The following DPH6 variants were observed in gnomAD, a reference collection of about 807,000 sequenced individuals.
DPH6 encodes diphthamine biosynthesis 6, also known as diphthine--ammonia ligase.
Under a neutral mutation model 38.2 loss-of-function variants are expected in DPH6, and 33 were observed. The observed-to-expected ratio is 0.86, with a 90% CI of 0.65 to 1.15. DPH6 has a LOEUF of 1.15. Ranked by LOEUF, DPH6 falls within the 50% of genes most tolerant of loss-of-function variation. DPH6 has a pLI of 0.00. For missense variants in DPH6, 325 were observed against 320.0 expected (o/e 1.02, Z -0.12); for synonymous variants, 108 against 103.0 (o/e 1.05, Z -0.30).
the DPH6 span, among the ~76,000 whole-genome samples, chr15:35,184,156 C>T: frequency 6.6e-6 from 1 of 152,166 alleles, no homozygotes; most frequent in Non-Finnish European, 1.5e-5. Context: ...ATTCTTAAAA[C>T]TCTGTAAATT....
chr15:35,346,635 C>T (rs2052464034), intron 3 of DPH6, among the ~76,000 whole-genome samples: 1 of 151,944 alleles, frequency 6.6e-6, no homozygotes, highest in Admixed American at 6.6e-5. Flanking sequence ...TTATTTTAAC[C>T]TTTTTATTTC....
In DPH6 at chr15:35,372,051, C is replaced by A; in HGVS notation, c.*99G>T. 1 of 1,443,364 alleles carries A rather than the reference C, an allele frequency of 6.9e-7. No individual in the cohort carries two copies. Among genetic ancestry groups the A allele is most frequent in the Admixed American group, 3.2e-5 (1 of 31,360 alleles). 89.4% of individuals were successfully genotyped at this position (1,443,364 alleles called of 1,614,324 possible). Reference sequence around the variant, plus strand: ...TATGTTTCTCTAAAAAAATAAGAGTCATGAGAAAAAAATAAACTAGTCATA... The same window carrying A: ...TATGTTTCTCTAAAAAAATAAGAGTAATGAGAAAAAAATAAACTAGTCATA... On this transcript the variant is annotated 3_prime_UTR_variant, in exon 9 of 9. Coordinates refer to ENST00000256538, the MANE Select transcript of DPH6 (RefSeq NM_080650.4).
intron 3 of DPH6, among the ~76,000 whole-genome samples, chr15:35,276,468 T>C (rs1223085109): frequency 6.6e-6 from 1 of 152,228 alleles, no homozygotes; most frequent in African/African-American, 2.4e-5. Flanking sequence ...TTTGTTTTTA[T>C]TGCATTTGCT....
chr15:35,496,567 A>AAAAAAAAAAAAAAAAAATATAT, intron 3 of DPH6, among the ~76,000 whole-genome samples: 6 of 31,008 alleles, frequency 1.9e-4, no homozygotes, highest in African/African-American at 6.9e-4. Flanking sequence ...AAAAAAAAAA[A>AAAAAAAAAAAAAAAAAATATAT]ATATATATAT....
At chr15:35,382,305 G>A (rs997556762) in intron 6 of DPH6, among the ~76,000 whole-genome samples, 7 of 151,872 alleles carry the variant, frequency 4.6e-5, no homozygotes, top group African/African-American at 1.7e-4. Context: ...GCATGGTGGT[G>A]GGCGCCTGCA....
intron 3 of DPH6, among the ~76,000 whole-genome samples, chr15:35,312,931 T>TA (rs1287525541): frequency 3.9e-5 from 6 of 152,170 alleles, no homozygotes; most frequent in African/African-American, 1.4e-4. Context: ...AGCTTCGTAG[T>TA]AAATTTTGAA....
chr15:35,405,789 A>G (rs2053284233), intron 6 of DPH6, among the ~76,000 whole-genome samples: 1 of 152,032 alleles, frequency 6.6e-6, no homozygotes, highest in African/African-American at 2.4e-5. Flanking sequence ...CTAAGAGGAA[A>G]AGCTTTCAGT....
chr15:35,258,564 CA>C (rs2051722706), intron 3 of DPH6, among the ~76,000 whole-genome samples: 1 of 152,176 alleles, frequency 6.6e-6, no homozygotes, highest in South Asian at 2.1e-4. Flanking sequence ...TCTTTAGTAA[CA>C]GAGCTAGGCT....
chr15:35,311,299 CT>C (rs2052140057), intron 3 of DPH6, among the ~76,000 whole-genome samples: 1 of 152,132 alleles, frequency 6.6e-6, no homozygotes, highest in African/African-American at 2.4e-5. Flanking sequence ...AATGCACCCC[CT>C]CAGATTTCAA....
At chr15:35,496,567 A>AAAAAAAAAAAAATATATATATATAT in intron 3 of DPH6, among the ~76,000 whole-genome samples, 12 of 30,998 alleles carry the variant, frequency 3.9e-4, no homozygotes, top group African/African-American at 1.4e-3. Context: ...AAAAAAAAAA[A>AAAAAAAAAAAAATATATATATATAT]ATATATATAT....
chr15:35,262,530 C>A (rs1242384698), intron 3 of DPH6, among the ~76,000 whole-genome samples: 1 of 151,916 alleles, frequency 6.6e-6, no homozygotes, highest in East Asian at 1.9e-4. Flanking sequence ...CACGGTGAAA[C>A]CCCGTCTCTA....
chr15:35,202,073 G>A, the DPH6 span, among the ~76,000 whole-genome samples: 1 of 151,732 alleles, frequency 6.6e-6, no homozygotes, highest in Non-Finnish European at 1.5e-5. Context: ...GTTCATTGCA[G>A]TATTGAATTG....
downstream of DPH6, among the ~76,000 whole-genome samples, chr15:35,216,293 C>A (rs1016074536): frequency 6.6e-6 from 1 of 152,202 alleles, no homozygotes; most frequent in African/African-American, 2.4e-5. Flanking sequence ...AATGTTGAAT[C>A]ATTTGAAAAC....
intron 3 of DPH6, among the ~76,000 whole-genome samples, chr15:35,226,466 A>G (rs1407730090): frequency 6.6e-6 from 1 of 152,246 alleles, no homozygotes; most frequent in East Asian, 1.9e-4. Flanking sequence ...GTGCAGCACA[A>G]CTATAGTTGT....
intron 3 of DPH6, among the ~76,000 whole-genome samples, chr15:35,222,169 T>C (rs1264440274): frequency 6.6e-6 from 1 of 152,226 alleles, no homozygotes; most frequent in Non-Finnish European, 1.5e-5. Flanking sequence ...ACAGCTCTCT[T>C]CTTCTGAGCC....
intron 3 of DPH6, among the ~76,000 whole-genome samples, chr15:35,531,733 T>C (rs1426015618): frequency 6.6e-6 from 1 of 152,182 alleles, no homozygotes; most frequent in African/African-American, 2.4e-5. Context: ...CCTCCTAAAG[T>C]GCTGATATTA....
At chr15:35,235,106 A>G (rs2051542174) in intron 3 of DPH6, among the ~76,000 whole-genome samples, 1 of 152,216 alleles carries the variant, frequency 6.6e-6, no homozygotes, top group African/African-American at 2.4e-5. Flanking sequence ...TCTGTCCAGA[A>G]GCCCTTTTAC....
chr15:35,275,631 A>G (rs2051852641), intron 3 of DPH6, among the ~76,000 whole-genome samples: 1 of 152,040 alleles, frequency 6.6e-6, no homozygotes, highest in Admixed American at 6.6e-5. Context: ...TGATGGGTTG[A>G]TAGATGCAGC....
At chr15:35,166,484 C>T in the DPH6 span, among the ~76,000 whole-genome samples, 1 of 151,804 alleles carries the variant, frequency 6.6e-6, no homozygotes, top group South Asian at 2.1e-4. Flanking sequence ...CTAAAGGAGG[C>T]CCAGTCAAGA....
Sources: gnomAD v4.1 joint callset for allele counts (sites outside exome capture counted in the v4.1 genomes callset) on GRCh38, gnomAD v4.1.1 for gene constraint, MANE v1.5 for transcripts, NCBI Gene and HGNC (gene_info 2026-07-23, HGNC 2026-07-21) for gene names.